The following PCDHGA3 variants were observed in gnomAD, a reference collection of about 807,000 sequenced individuals.
PCDHGA3 encodes protocadherin gamma subfamily A, 3.
PCDHGA3 carries 40 observed loss-of-function variants against 58.5 expected under a neutral mutation model. The ratio of observed to expected loss-of-function variants is 0.68; its 90% CI spans 0.53 to 0.89. PCDHGA3 has a LOEUF of 0.89. PCDHGA3 is among the 40% of genes least tolerant of loss of function. PCDHGA3 has a pLI of 0.00. For synonymous variants in PCDHGA3, 530 were observed against 525.7 expected, an observed-to-expected ratio of 1.01 and a Z score of -0.11; for missense variants, 1,223 against 1,195.9, an observed-to-expected ratio of 1.02 and a Z score of -0.33.
chr5:141,404,079 C>G lies in PCDHGA3; in HGVS notation c.2424+57622C>G, dbSNP rs768434673. On this transcript the variant is annotated intron_variant, in intron 1 of 3. Transcript: ENST00000253812. ...CTTTTCAATGCTCATGACCGAGACT[C>G]CGGGAAGAATGGTCAAGTTGTCTGT... 3.1e-6 allele frequency: 5 copies of G among 1,613,568 alleles called. No homozygotes were observed. In the East Asian group the frequency reaches 1.1e-4, roughly 36 times the overall value.
Position 141,511,319 on chromosome 5 carries a change from C to A in PCDHGA3, c.*146C>A. On this transcript the variant is annotated 3_prime_UTR_variant, in exon 4 of 4. Coordinates refer to ENST00000253812, the MANE Select transcript of PCDHGA3 (RefSeq NM_018916.4). ...CCATGCTCCCCTTGGGAAACAGAAA[C>A]AAGTGCCCAGTCAGCACCTACCCCT... is the stretch of plus-strand genomic sequence containing the variant. 6.8e-7 allele frequency: 1 copy of A among 1,477,420 alleles called. No homozygotes were observed. The highest frequency in any genetic ancestry group is 9.0e-7 in the Non-Finnish European group (1 of 1,108,340). 91.5% of individuals were successfully genotyped at this position (1,477,420 alleles called of 1,614,324 possible).
chr5:141,421,715 T>G (rs756472123), intron 1 of PCDHGA3: 1 of 1,613,960 alleles, frequency 6.2e-7, no homozygotes, highest in Admixed American at 1.7e-5. Context: ...GATCCAGATG[T>G]GGGCGTGAAC....
At chr5:141,361,570 C>G (rs1405312992) in intron 1 of PCDHGA3, 1 of 1,613,918 alleles carries the variant, frequency 6.2e-7, no homozygotes, top group Non-Finnish European at 8.5e-7. Flanking sequence ...TGCCTCTGAC[C>G]CTGACTTGGG....
In PCDHGA3 at chr5:141,409,653, A is replaced by G. The variant is rs763812886; in HGVS notation, c.2424+63196A>G. 10 of 1,613,542 alleles carry G rather than the reference A, an allele frequency of 6.2e-6. No homozygotes were observed. The East Asian group carries it at 8.9e-5, about 14-fold the overall frequency. ...GCCTCTGACCCGGATTTGGGGCTCAATGGCCACATCTCCTACTCTATAGTG... is the reference window on the plus strand; with the variant it reads ...GCCTCTGACCCGGATTTGGGGCTCAGTGGCCACATCTCCTACTCTATAGTG... On this transcript the variant is annotated intron_variant, in intron 1 of 3. Transcript: ENST00000253812.
chr5:141,419,794 T>C (rs368369787), intron 1 of PCDHGA3: 54 of 1,613,930 alleles, frequency 3.3e-5, no homozygotes, highest in Non-Finnish European at 4.5e-5. Flanking sequence ...TGCTAGTCGC[T>C]GTAAGAGATG....
intron 1 of PCDHGA3, among the ~76,000 whole-genome samples, chr5:141,439,380 G>C (rs1324859898): frequency 6.6e-6 from 1 of 152,158 alleles, no homozygotes; most frequent in East Asian, 1.9e-4. Flanking sequence ...ATAAAAATAA[G>C]TCATCACTTC....
intron 1 of PCDHGA3, chr5:141,417,791 C>T: frequency 6.7e-7 from 1 of 1,482,658 alleles, no homozygotes; most frequent in Non-Finnish European, 9.0e-7. Context: ...GCCGAATGCT[C>T]TTTTAGCGCG....
At chr5:141,482,761 ATT>A (rs2099571906) in intron 1 of PCDHGA3, among the ~76,000 whole-genome samples, 1 of 127,370 alleles carries the variant, frequency 7.9e-6, no homozygotes, top group Admixed American at 7.7e-5. Flanking sequence ...ATGGTATTTC[ATT>A]ATCACTGAAC....
chr5:141,415,502 A>AGCCC, intron 1 of PCDHGA3: 1 of 1,614,204 alleles, frequency 6.2e-7, no homozygotes, highest in South Asian at 1.1e-5. Flanking sequence ...ATCTTCCCCC[A>AGCCC]GCCCAATTAT....
chr5:141,375,590 T>C (rs750456402), intron 1 of PCDHGA3: 1 of 1,614,162 alleles, frequency 6.2e-7, no homozygotes, highest in South Asian at 1.1e-5. Flanking sequence ...GCCCCTGTCC[T>C]CCTACGTGTC....
Position 141,399,953 on chromosome 5 carries a change from A to G in PCDHGA3, c.2424+53496A>G, listed in dbSNP as rs1257117587. ...TCCTACCACGTGCTGCAGGCTAGCGAGCCCGGGCTCTTCAGCCTGGGGCTG... is the reference window on the plus strand; with the variant it reads ...TCCTACCACGTGCTGCAGGCTAGCGGGCCCGGGCTCTTCAGCCTGGGGCTG... On this transcript the variant is annotated intron_variant, in intron 1 of 3. Coordinates refer to ENST00000253812, the MANE Select transcript of PCDHGA3 (RefSeq NM_018916.4). The G allele has an allele frequency of 2.5e-5, 40 of 1,612,030 alleles. 1 individual carries two copies. Among genetic ancestry groups the G allele is most frequent in the Non-Finnish European group, 3.4e-5 (40 of 1,179,690 alleles).
intron 1 of PCDHGA3, chr5:141,408,786 C>A: frequency 6.2e-7 from 1 of 1,612,430 alleles, no homozygotes; most frequent in Non-Finnish European, 8.5e-7. Flanking sequence ...CCAGAGTTAT[C>A]TCTGGAGAAA....
intron 1 of PCDHGA3, among the ~76,000 whole-genome samples, chr5:141,447,279 A>G (rs1394174534): frequency 1.3e-5 from 2 of 152,156 alleles, no homozygotes; most frequent in African/African-American, 4.8e-5. Flanking sequence ...AGCTGGGACT[A>G]CAGGCACATG....
At chr5:141,374,071 T>C (rs1443520558) in intron 1 of PCDHGA3, 3 of 1,507,898 alleles carry the variant, frequency 2.0e-6, no homozygotes, top group Non-Finnish European at 2.7e-6. Flanking sequence ...GAGAAGTTCC[T>C]AATAAGCCAG....
chr5:141,392,883 T>C, intron 1 of PCDHGA3: 1 of 1,613,518 alleles, frequency 6.2e-7, no homozygotes, highest in Non-Finnish European at 8.5e-7. Flanking sequence ...GGGAACGCTG[T>C]GGGAAATCGG....
chr5:141,455,905 T>TTATG (rs2098836561), intron 1 of PCDHGA3, among the ~76,000 whole-genome samples: 1 of 148,340 alleles, frequency 6.7e-6, no homozygotes, highest in Admixed American at 6.7e-5. Flanking sequence ...ATTTATTTAT[T>TTATG]TATTTATTTT....
At chr5:141,408,844 C>G (rs1359968983) in intron 1 of PCDHGA3, 1 of 1,613,634 alleles carries the variant, frequency 6.2e-7, no homozygotes, top group South Asian at 1.1e-5. Context: ...TATTGACTGC[C>G]TTGGACGGAG....
chr5:141,417,975 A>C, intron 1 of PCDHGA3: 3 of 1,613,724 alleles, frequency 1.9e-6, no homozygotes, highest in Non-Finnish European at 2.5e-6. Context: ...TCGATTCCGG[A>C]GGAGCTGGCC....
intron 1 of PCDHGA3, chr5:141,410,614 G>A: frequency 6.2e-7 from 1 of 1,604,858 alleles, no homozygotes; most frequent in South Asian, 1.1e-5. Flanking sequence ...CTGAGACTCT[G>A]ACTTCGGTGA....
Sources: allele counts gnomAD v4.1 joint callset (sites outside exome capture counted in the v4.1 genomes callset), GRCh38; gene constraint gnomAD v4.1.1; transcripts MANE v1.5; gene names NCBI Gene and HGNC (gene_info 2026-07-23, HGNC 2026-07-21).